Variants in OTUD7A observed in about 807,000 individuals in gnomAD.
The protein encoded by OTUD7A is OTU domain-containing protein 7A.
In OTUD7A, 12 loss-of-function variants were observed where a neutral mutation model predicts 65.7. The observed-to-expected ratio is 0.18, with a 90% confidence interval of 0.12 to 0.30. The LOEUF is 0.30. Ranked by LOEUF, OTUD7A falls within the 10% of genes least tolerant of loss-of-function variation. The pLI is 1.00. For missense variants in OTUD7A, 1,148 were observed against 1,304.8 expected, an observed-to-expected ratio of 0.88 and a Z score of 1.85; for synonymous variants, 641 against 586.3, an observed-to-expected ratio of 1.09 and a Z score of -1.35.
intron 1 of OTUD7A, among the ~76,000 whole-genome samples, chr15:31,797,582 T>C (rs969940156): frequency 6.6e-6 from 1 of 152,192 alleles, no homozygotes; most frequent in Non-Finnish European, 1.5e-5. Context: ...GGCCCCACCA[T>C]GCAGGCTGCC....
At chr15:31,684,641 G>A (rs1166302358) in intron 1 of OTUD7A, among the ~76,000 whole-genome samples, 12 of 143,110 alleles carry the variant, frequency 8.4e-5, no homozygotes, top group Non-Finnish European at 6.2e-5. Context: ...TCTTTGCCAC[G>A]TGGGCCTTTC....
At chr15:31,838,658 C>A (rs1567048552) in intron 1 of OTUD7A, among the ~76,000 whole-genome samples, 1 of 20,236 alleles carries the variant, frequency 4.9e-5, no homozygotes, top group Non-Finnish European at 1.2e-4. Flanking sequence ...ATCTCAAAGA[C>A]CCCCCCCCAC....
At chr15:31,585,776 G>A (rs913717623) in intron 3 of OTUD7A, among the ~76,000 whole-genome samples, 1 of 152,126 alleles carries the variant, frequency 6.6e-6, no homozygotes, top group East Asian at 1.9e-4. Flanking sequence ...ATGTACATAG[G>A]TGTCTACAGA....
intron 8 of OTUD7A, among the ~76,000 whole-genome samples, chr15:31,505,012 G>A (rs560098453): frequency 6.6e-6 from 1 of 151,988 alleles, no homozygotes; most frequent in East Asian, 1.9e-4. Flanking sequence ...TAAAGAAATA[G>A]CACTTGAATA....
intron 1 of OTUD7A, among the ~76,000 whole-genome samples, chr15:31,833,978 T>C (rs547231116): frequency 9.2e-5 from 14 of 152,360 alleles, no homozygotes; most frequent in Admixed American, 5.2e-4. Flanking sequence ...GCCTTTCTAA[T>C]GAAACAGGGA....
intron 5 of OTUD7A, among the ~76,000 whole-genome samples, chr15:31,551,777 T>C (rs1002936396): frequency 4.6e-5 from 7 of 152,174 alleles, no homozygotes; most frequent in Non-Finnish European, 8.8e-5. Context: ...CCCTCGGATG[T>C]CCCCTCTCTG....
intron 1 of OTUD7A, among the ~76,000 whole-genome samples, chr15:31,719,730 A>T (rs868479161): frequency 3.3e-5 from 5 of 152,294 alleles, no homozygotes; most frequent in Non-Finnish European, 4.4e-5. Flanking sequence ...CTCCAATGAC[A>T]TCACATCTTA....
intron 1 of OTUD7A, among the ~76,000 whole-genome samples, chr15:31,735,915 A>G (rs1329058718): frequency 2.0e-5 from 3 of 152,248 alleles, no homozygotes; most frequent in African/African-American, 7.2e-5. Context: ...TTGCAGGGAC[A>G]TGGATGGAGC....
intron 5 of OTUD7A, among the ~76,000 whole-genome samples, chr15:31,545,570 G>T (rs1032055935): frequency 1.3e-5 from 2 of 151,938 alleles, no homozygotes; most frequent in African/African-American, 4.8e-5. Flanking sequence ...AATCAAAAAG[G>T]CAATCTTAAA....
intron 8 of OTUD7A, among the ~76,000 whole-genome samples, chr15:31,521,016 A>G (rs907151513): frequency 2.0e-5 from 3 of 152,244 alleles, no homozygotes; most frequent in Non-Finnish European, 4.4e-5. Context: ...CCTCAGTGAT[A>G]TAACTCAGAA....
intron 3 of OTUD7A, among the ~76,000 whole-genome samples, chr15:31,583,322 G>T (rs1000419770): frequency 6.6e-6 from 1 of 152,204 alleles, no homozygotes; most frequent in African/African-American, 2.4e-5. Context: ...GCATGGCAGA[G>T]GCAGACATGA....
chr15:31,669,487 T>C (rs558229359), intron 1 of OTUD7A, among the ~76,000 whole-genome samples: 212 of 152,212 alleles, frequency 1.4e-3, no homozygotes, highest in Non-Finnish European at 1.8e-3. Flanking sequence ...GGGCCGGTCT[T>C]CTCCCACTGT....
chr15:31,621,656 T>C (rs900074068), intron 3 of OTUD7A, among the ~76,000 whole-genome samples: 1 of 152,160 alleles, frequency 6.6e-6, no homozygotes, highest in Non-Finnish European at 1.5e-5. Flanking sequence ...AGCCTATTTG[T>C]GTCTCTGCAT....
intron 1 of OTUD7A, among the ~76,000 whole-genome samples, chr15:31,835,311 A>C (rs981377356): frequency 6.6e-6 from 1 of 152,258 alleles, no homozygotes; most frequent in Admixed American, 6.5e-5. Context: ...TGACTCAAGC[A>C]TATGTTAAAC....
intron 6 of OTUD7A, among the ~76,000 whole-genome samples, chr15:31,529,209 A>G (rs1956483992): frequency 6.6e-6 from 1 of 152,234 alleles, no homozygotes; most frequent in Non-Finnish European, 1.5e-5. Context: ...TGAGAGATTT[A>G]TTCTTTTAGA....
chr15:31,726,117 T>C (rs374598422), intron 1 of OTUD7A, among the ~76,000 whole-genome samples: 13 of 151,724 alleles, frequency 8.6e-5, no homozygotes, highest in African/African-American at 3.1e-4. Context: ...CAAGACTCCG[T>C]GTTGAGCTCC....
chr15:31,697,277 T>C (rs964271454), intron 1 of OTUD7A, among the ~76,000 whole-genome samples: 7 of 127,662 alleles, frequency 5.5e-5, no homozygotes, highest in Non-Finnish European at 8.7e-5. Context: ...TTAATGCTGC[T>C]ACCTCCTTAG....
At chr15:31,627,174 T>C (rs957770387) in intron 3 of OTUD7A, among the ~76,000 whole-genome samples, 4 of 151,976 alleles carry the variant, frequency 2.6e-5, no homozygotes, top group Non-Finnish European at 5.9e-5. Flanking sequence ...TGTGCCATGC[T>C]GGTGTGCTGC....
intron 8 of OTUD7A, among the ~76,000 whole-genome samples, chr15:31,521,078 G>A (rs895167065): frequency 5.9e-5 from 9 of 152,138 alleles, no homozygotes; most frequent in South Asian, 4.1e-4. Context: ...GCTAAACAAC[G>A]CGTACATATG....
Sources: allele counts gnomAD v4.1 joint callset (sites outside exome capture counted in the v4.1 genomes callset), GRCh38; gene constraint gnomAD v4.1.1; transcripts MANE v1.5; gene names NCBI Gene and HGNC (gene_info 2026-07-23, HGNC 2026-07-21).